Variants in RP1L1 observed in about 807,000 individuals in gnomAD.
The protein encoded by RP1L1 is RP1 like 1.
A neutral mutation model predicts 15.7 loss-of-function variants in RP1L1; 27 were observed. That is an observed-to-expected ratio of 1.72 (90% CI 1.27 to 2.38). The LOEUF (loss-of-function observed/expected upper bound fraction) is 2.38. RP1L1 is among the 30% of genes most tolerant of loss of function. The pLI is 0.00. For missense variants in RP1L1, 4,798 were observed against 3,075.9 expected (o/e 1.56, Z -13.24); for synonymous variants, 1,813 against 1,276.7 (o/e 1.42, Z -8.96).
At chr8:10,651,623 G>A (rs1013565372) in intron 1 of RP1L1, among the ~76,000 whole-genome samples, 6 of 152,072 alleles carry the variant, frequency 3.9e-5, no homozygotes, top group South Asian at 2.1e-4. Context: ...GCTACAGGAG[G>A]CTGAGGCAGG....
At chr8:10,654,320 C>G (rs1488980000) in intron 1 of RP1L1, among the ~76,000 whole-genome samples, 3 of 152,138 alleles carry the variant, frequency 2.0e-5, no homozygotes. Flanking sequence ...AGGATGCCAG[C>G]CTTGAAGCTG....
At position 10,612,796 on chromosome 8, in the gene RP1L1, G is replaced by A; in HGVS notation, c.1302C>T (p.Cys434=). The part of the protein sequence containing the change: ...KRWGLAQHVR[C]SGLWGHGTAG... Reference sequence around the variant, plus strand: ...CAGTCCCGTGGCCCCACAGGCCACTGCAGCGGACGTGCTGGGCCAGTCCCC... The same window carrying A: ...CAGTCCCGTGGCCCCACAGGCCACTACAGCGGACGTGCTGGGCCAGTCCCC... The change falls in exon 4 of 4, where the codon TGC becomes TGT. Residue 434 remains cysteine, a synonymous_variant. Coordinates refer to ENST00000382483, the MANE Select transcript of RP1L1 (RefSeq NM_178857.6). The A allele has an allele frequency of 6.2e-7, 1 of 1,610,994 alleles. No individual in the cohort carries two copies.
At position 10,607,653 on chromosome 8, in the gene RP1L1, C is replaced by G. The variant is rs1797731614; in HGVS notation, c.6445G>C (p.Glu2149Gln). Residue 2149 changes from glutamate (E) to glutamine (Q), a missense_variant, in exon 4 of 4, where the codon GAG becomes CAG. By Grantham distance (29) the Glu-to-Gln change is conservative. Coordinates refer to ENST00000382483, the MANE Select transcript of RP1L1 (RefSeq NM_178857.6). ...GCCTCCCCTTCTGCATCCTGGGCCT[C>G]TACACCTTCTGACTCAGGCTGGGCC... ...GEAQPESEGV[E>Q]AQDAEGEAQP... 1 of 1,590,090 alleles carries G rather than the reference C, an allele frequency of 6.3e-7. No individual in the cohort carries two copies. The highest frequency in any genetic ancestry group is 1.1e-5 in the South Asian group (1 of 89,336).
intron 1 of RP1L1, among the ~76,000 whole-genome samples, chr8:10,623,926 A>G (rs1318829627): frequency 6.8e-6 from 1 of 147,730 alleles, no homozygotes; most frequent in East Asian, 2.0e-4. Flanking sequence ...ATGTCCCAGA[A>G]CCACTGTGTC....
chr8:10,654,101 G>A (rs1482505576), intron 1 of RP1L1, among the ~76,000 whole-genome samples: 1 of 152,132 alleles, frequency 6.6e-6, no homozygotes, highest in Non-Finnish European at 1.5e-5. Context: ...CTGAGGTCTG[G>A]GCCATGGATC....
intron 1 of RP1L1, among the ~76,000 whole-genome samples, chr8:10,653,652 C>T (rs908265053): frequency 8.4e-6 from 1 of 118,688 alleles, no homozygotes; most frequent in Non-Finnish European, 2.1e-5. Context: ...CACCCACACA[C>T]GCATACACAC....
chr8:10,629,104 A>C (rs935149181), intron 1 of RP1L1, among the ~76,000 whole-genome samples: 3 of 152,266 alleles, frequency 2.0e-5, no homozygotes, highest in Non-Finnish European at 2.9e-5. Context: ...GAATGGAGTG[A>C]GAAGTACGGT....
chr8:10,626,856 AG>A (rs1402139920), intron 1 of RP1L1, among the ~76,000 whole-genome samples: 2 of 152,168 alleles, frequency 1.3e-5, no homozygotes, highest in Non-Finnish European at 2.9e-5. Flanking sequence ...GGGTGCTGAG[AG>A]CGGCAGGAGC....
intron 1 of RP1L1, among the ~76,000 whole-genome samples, chr8:10,646,922 C>T (rs1249231679): frequency 6.6e-6 from 1 of 152,234 alleles, no homozygotes; most frequent in Non-Finnish European, 1.5e-5. Flanking sequence ...TCTCAAATGC[C>T]AACCTCCCCC....
intron 3 of RP1L1, among the ~76,000 whole-genome samples, chr8:10,614,386 G>A (rs1210992865): frequency 1.3e-5 from 2 of 152,144 alleles, no homozygotes; most frequent in South Asian, 2.1e-4. Flanking sequence ...TGAGCCAGGC[G>A]TGATAGCTCA....
At position 10,607,419 on chromosome 8, in the gene RP1L1, C is replaced by T; in HGVS notation, c.6679G>A (p.Gly2227Ser). ...CCTTCAGCCTCCGGGGTCTCTACGC[C>T]TTCTGGCTCTGGCTGGGCCTCCTCT... ...AEEEAQPEPE[G>S]VETPEAEGEA... The change falls in exon 4 of 4, where the codon GGC becomes AGC. Residue 2227 changes from glycine to serine, a missense_variant. Transcript: ENST00000382483. 1.2e-6 allele frequency: 2 copies of T among 1,613,826 alleles called. No homozygotes were observed. Among genetic ancestry groups the T allele is most frequent in the South Asian group, 1.1e-5 (1 of 91,056 alleles).
intron 1 of RP1L1, among the ~76,000 whole-genome samples, chr8:10,648,750 C>T (rs1017585419): frequency 4.6e-5 from 7 of 152,240 alleles, no homozygotes; most frequent in African/African-American, 1.4e-4. Context: ...TGACAGAGAA[C>T]TTACAGTAAT....
In RP1L1 at chr8:10,612,292, C is replaced by G. The variant is rs374308509; in HGVS notation, c.1806G>C (p.Thr602=). Reference sequence around the variant, plus strand: ...GAGGCTCCCTTGTCACAGCCGCTCCCGTGGCCTGCTCGGTGCCCTGTCCTT... The same window carrying G: ...GAGGCTCCCTTGTCACAGCCGCTCCGGTGGCCTGCTCGGTGCCCTGTCCTT... ...ETQGQGTEQA[T]GAAVTREPLV... Residue 602 remains threonine, a synonymous_variant, in exon 4 of 4, where the codon ACG becomes ACC. Coordinates refer to ENST00000382483, the MANE Select transcript of RP1L1 (RefSeq NM_178857.6). 2.2e-5 allele frequency: 35 copies of G among 1,613,142 alleles called. No individual in the cohort carries two copies. Among genetic ancestry groups the G allele is most frequent in the Middle Eastern group, 1.6e-4 (1 of 6,084 alleles).
At chr8:10,627,992 C>T (rs1293439189) in intron 1 of RP1L1, among the ~76,000 whole-genome samples, 1 of 152,192 alleles carries the variant, frequency 6.6e-6, no homozygotes, top group African/African-American at 2.4e-5. Flanking sequence ...CTTGGGGAGG[C>T]AGGCTCATGC....
chr8:10,623,425 G>A (rs188763828), intron 1 of RP1L1, among the ~76,000 whole-genome samples: 100 of 152,256 alleles, frequency 6.6e-4, no homozygotes, highest in African/African-American at 2.0e-3. Flanking sequence ...CTCCAGCCCC[G>A]TGAATTGCTT....
At chr8:10,622,123 A>G (rs1798069220) in intron 2 of RP1L1, among the ~76,000 whole-genome samples, 1 of 152,036 alleles carries the variant, frequency 6.6e-6, no homozygotes, top group South Asian at 2.1e-4. Context: ...GGAGTTCAAG[A>G]CCAGCCTGAC....
chr8:10,634,296 AC>A (rs1410920023), intron 1 of RP1L1, among the ~76,000 whole-genome samples: 2 of 152,070 alleles, frequency 1.3e-5, no homozygotes, highest in African/African-American at 4.8e-5. Flanking sequence ...CTCTCCCAGG[AC>A]CCGAGAAGGA....
chr8:10,641,771 T>C (rs777104144), intron 1 of RP1L1, among the ~76,000 whole-genome samples: 1 of 152,344 alleles, frequency 6.6e-6, no homozygotes, highest in African/African-American at 2.4e-5. Flanking sequence ...CTTCAAAGAA[T>C]GAAGACTTAA....
At chr8:10,641,328 T>C (rs1300544187) in intron 1 of RP1L1, among the ~76,000 whole-genome samples, 1 of 152,224 alleles carries the variant, frequency 6.6e-6, no homozygotes, top group Admixed American at 6.5e-5. Flanking sequence ...GGAGTCACCA[T>C]CTACAAGACA....
Sources: gnomAD v4.1 joint callset for allele counts (sites outside exome capture counted in the v4.1 genomes callset) on GRCh38, gnomAD v4.1.1 for gene constraint, MANE v1.5 for transcripts, NCBI Gene and HGNC (gene_info 2026-07-23, HGNC 2026-07-21) for gene names.